The following MAP2 variants were observed in gnomAD, a reference collection of about 807,000 sequenced individuals.
The protein encoded by MAP2 is microtubule associated protein 2, also known as microtubule-associated protein 2.
Under a neutral mutation model 137.6 loss-of-function variants are expected in MAP2, and 14 were observed. The ratio of observed to expected loss-of-function variants is 0.10; its 90% CI spans 0.07 to 0.16. The LOEUF (loss-of-function observed/expected upper bound fraction) is 0.16, where lower values mean the gene tolerates loss of function less well. MAP2 is among the 10% of genes least tolerant of loss of function. The pLI is 1.00. For missense variants in MAP2, 2,088 were observed against 2,191.5 expected, an observed-to-expected ratio of 0.95 and a Z score of 0.94; for synonymous variants, 786 against 782.3, an observed-to-expected ratio of 1.00 and a Z score of -0.08.
chr2:209,700,106 A>G (rs1229834853), intron 10 of MAP2, among the ~76,000 whole-genome samples, 171 bp from the exon 11 acceptor site: 1 of 152,190 alleles, frequency 6.6e-6, no homozygotes, highest in Non-Finnish European at 1.5e-5. Flanking sequence ...GCCACATGCT[A>G]TGTTATTGTT....
At position 209,693,255 on chromosome 2, in the gene MAP2, C is replaced by T; in HGVS notation, c.1085C>T (p.Ala362Val). Residue 362 changes from alanine to valine, a missense_variant, in exon 8 of 16, where the codon GCC becomes GTC. Coordinates refer to ENST00000682079, the MANE Select transcript of MAP2 (RefSeq NM_001375505.1). ...CAACAAACCAGTGGCCCAGCTACTG[C>T]CAAAGATAGTTTTAAAATTGAAGAG... The part of the protein sequence containing the change: ...SLQQTSGPAT[A>V]KDSFKIEEPH... 6.2e-7 allele frequency: 1 copy of T among 1,614,036 alleles called. No homozygotes were observed. Among genetic ancestry groups the T allele is most frequent in the Non-Finnish European group, 8.5e-7 (1 of 1,179,978 alleles).
At chr2:209,677,190 G>A (rs906073837) in intron 5 of MAP2, among the ~76,000 whole-genome samples, 1 of 151,766 alleles carries the variant, frequency 6.6e-6, no homozygotes, top group Non-Finnish European at 1.5e-5. Flanking sequence ...TTTGGTGACT[G>A]TTAATGTTAT....
At chr2:209,454,983 A>C (rs947388627) in intron 1 of MAP2, among the ~76,000 whole-genome samples, 2 of 152,226 alleles carry the variant, frequency 1.3e-5, no homozygotes, top group Non-Finnish European at 2.9e-5. Context: ...GACTGTAGAC[A>C]GCCATCTTCT....
chr2:209,464,733 T>C (rs918707486), intron 1 of MAP2, among the ~76,000 whole-genome samples: 5 of 152,132 alleles, frequency 3.3e-5, no homozygotes, highest in Admixed American at 2.6e-4. Context: ...TAAAAATAAC[T>C]GTTTATCTAG....
chr2:209,471,342 T>G (rs1314971434), intron 1 of MAP2, among the ~76,000 whole-genome samples: 1 of 152,202 alleles, frequency 6.6e-6, no homozygotes, highest in Non-Finnish European at 1.5e-5. Flanking sequence ...ACCTGTCTTC[T>G]CTACTAGATT....
At chr2:209,449,177 C>T (rs1399459533) in intron 1 of MAP2, among the ~76,000 whole-genome samples, 1 of 152,192 alleles carries the variant, frequency 6.6e-6, no homozygotes, top group Non-Finnish European at 1.5e-5. Context: ...TTAGGTTATA[C>T]ATTCCACAGT....
At chr2:209,521,571 A>AT (rs905016618) in intron 2 of MAP2, among the ~76,000 whole-genome samples, 16 of 151,304 alleles carry the variant, frequency 1.1e-4, no homozygotes, top group East Asian at 3.9e-4. Flanking sequence ...AAAAAAAAAA[A>AT]TTTTTTAGGT....
chr2:209,529,484 A>G (rs1370495658), intron 2 of MAP2, among the ~76,000 whole-genome samples: 1 of 152,186 alleles, frequency 6.6e-6, no homozygotes, highest in East Asian at 1.9e-4. Flanking sequence ...TCCTATGGAA[A>G]TCATCGATGT....
At chr2:209,523,433 C>T (rs112978592) in intron 2 of MAP2, among the ~76,000 whole-genome samples, 4,022 of 152,152 alleles carry the variant, frequency 0.026, 62 homozygotes, top group Non-Finnish European at 0.033. Flanking sequence ...ACTATTCCAG[C>T]GCCCTGTGTG....
chr2:209,488,920 C>T (rs1474707927), intron 1 of MAP2, among the ~76,000 whole-genome samples: 4 of 152,210 alleles, frequency 2.6e-5, no homozygotes, highest in African/African-American at 7.2e-5. Context: ...GATCTCCCAG[C>T]ATAGTGCTCG....
In MAP2 at chr2:209,695,655, A is replaced by C. The variant is rs766148697; in HGVS notation, c.3485A>C (p.Gln1162Pro). 3.1e-6 allele frequency: 5 copies of C among 1,614,118 alleles called. No homozygotes were observed. Among genetic ancestry groups the C allele is most frequent in the Non-Finnish European group, 3.4e-6 (4 of 1,180,000 alleles). Reference protein sequence around the residue: ...KETSPESSLIQDEIAVKLSVE... With the variant: ...KETSPESSLIPDEIAVKLSVE... ...ACATCTCCAGAATCATCTCTAATTC[A>C]AGATGAGATTGCCGTCAAATTGTCA... is the stretch of plus-strand genomic sequence containing the variant. Residue 1162 changes from glutamine to proline, a missense_variant, in exon 8 of 16, where the codon CAA becomes CCA. Coordinates refer to ENST00000682079, the MANE Select transcript of MAP2 (RefSeq NM_001375505.1).
At chr2:209,553,322 T>G (rs1354532840) in intron 2 of MAP2, among the ~76,000 whole-genome samples, 1 of 152,170 alleles carries the variant, frequency 6.6e-6, no homozygotes, top group Non-Finnish European at 1.5e-5. Context: ...AAAAAGGATG[T>G]ATTTTTAAGA....
chr2:209,631,899 G>A (rs1428274138), intron 4 of MAP2, among the ~76,000 whole-genome samples: 2 of 152,174 alleles, frequency 1.3e-5, no homozygotes, highest in South Asian at 4.1e-4. Context: ...ATTATGTAAG[G>A]TAGTAGACTG....
intron 1 of MAP2, among the ~76,000 whole-genome samples, chr2:209,438,226 A>T (rs1275755469): frequency 1.3e-5 from 2 of 151,684 alleles, no homozygotes; most frequent in Non-Finnish European, 3.0e-5. Flanking sequence ...TACATATCAG[A>T]TACTTATGGA....
chr2:209,494,306 T>C (rs1305994275), intron 1 of MAP2, among the ~76,000 whole-genome samples: 2 of 151,862 alleles, frequency 1.3e-5, no homozygotes, highest in Admixed American at 1.3e-4. Flanking sequence ...AGGAGAGGGA[T>C]ACCATTAGGA....
chr2:209,704,372 T>A, intron 11 of MAP2: 1 of 1,308,514 alleles, frequency 7.6e-7, no homozygotes. Flanking sequence ...TCTTATATGT[T>A]TATACTTCTT....
At chr2:209,523,633 A>G (rs2150427309) in intron 2 of MAP2, among the ~76,000 whole-genome samples, 2 of 152,254 alleles carry the variant, frequency 1.3e-5, no homozygotes, top group South Asian at 4.1e-4. Flanking sequence ...AAACTGCAAT[A>G]TTTACTTTTA....
At chr2:209,451,894 G>A (rs889077317) in intron 1 of MAP2, among the ~76,000 whole-genome samples, 1 of 152,122 alleles carries the variant, frequency 6.6e-6, no homozygotes, top group African/African-American at 2.4e-5. Flanking sequence ...CAAAGAACCT[G>A]ATAATAGTCA....
chr2:209,575,384 G>A (rs1194809339), intron 2 of MAP2, among the ~76,000 whole-genome samples: 1 of 151,748 alleles, frequency 6.6e-6, no homozygotes, highest in Non-Finnish European at 1.5e-5. Flanking sequence ...AGCCGGGCGT[G>A]ATGGCGGGTG....
Sources: gnomAD v4.1 joint callset for allele counts (sites outside exome capture counted in the v4.1 genomes callset) on GRCh38, gnomAD v4.1.1 for gene constraint, MANE v1.5 for transcripts, NCBI Gene and HGNC (gene_info 2026-07-23, HGNC 2026-07-21) for gene names.